The following KLRG1 variants were observed in gnomAD, a reference collection of about 807,000 sequenced individuals.
KLRG1 encodes killer cell lectin-like receptor subfamily G member 1.
KLRG1 carries 16 observed loss-of-function variants against 21.8 expected under a neutral mutation model. The ratio of observed to expected loss-of-function variants is 0.73; its 90% CI spans 0.50 to 1.11. The LOEUF is 1.11. Ranked by LOEUF, KLRG1 falls within the 50% of genes most tolerant of loss-of-function variation. The probability of loss-of-function intolerance (pLI) is 0.00; values close to 1 mark genes in which losing one functional copy is unlikely to be tolerated. For missense variants in KLRG1, 173 were observed against 218.3 expected, an observed-to-expected ratio of 0.79 and a Z score of 1.31; for synonymous variants, 69 against 75.9, an observed-to-expected ratio of 0.91 and a Z score of 0.47.
At chr12:9,204,913 T>C in the KLRG1 span, among the ~76,000 whole-genome samples, 10 of 151,882 alleles carry the variant, frequency 6.6e-5, 1 homozygote. Context: ...TGCACAACAT[T>C]GTGAGGTCCC....
the KLRG1 span, among the ~76,000 whole-genome samples, chr12:9,182,790 T>C: frequency 6.6e-6 from 1 of 152,228 alleles, no homozygotes; most frequent in Non-Finnish European, 1.5e-5. Flanking sequence ...CTTGAGTAGA[T>C]GGCCCACATT....
the KLRG1 span, among the ~76,000 whole-genome samples, chr12:9,088,673 T>C: frequency 1.3e-5 from 2 of 152,212 alleles, no homozygotes; most frequent in Admixed American, 6.5e-5. Context: ...AAATTTTTCC[T>C]GTAAGTTTCT....
the KLRG1 span, chr12:9,089,273 G>A: frequency 1.3e-6 from 2 of 1,551,002 alleles, no homozygotes; most frequent in Non-Finnish European, 1.8e-6. Context: ...AGAAAGAAAA[G>A]CTAGTGAGAA....
chr12:9,077,844 C>CA, the KLRG1 span: 3 of 1,614,008 alleles, frequency 1.9e-6, no homozygotes, highest in South Asian at 3.3e-5. Flanking sequence ...GTCTTCAGAA[C>CA]AAAGGCTGTG....
the KLRG1 span, among the ~76,000 whole-genome samples, chr12:9,170,712 A>G: frequency 6.6e-6 from 1 of 152,200 alleles, no homozygotes; most frequent in South Asian, 2.1e-4. This position sits in a 1 kb window ranked among gnomAD's most constrained non-coding sequence, Gnocchi z 4.6. Context: ...ACGATGCAGC[A>G]CAGCTGCCTT....
chr12:9,101,715 T>C, the KLRG1 span: 17 of 1,442,932 alleles, frequency 1.2e-5, no homozygotes, highest in Non-Finnish European at 1.1e-5. Context: ...AGATTATACG[T>C]CATAAAGATT....
At chr12:9,077,501 G>A in the KLRG1 span, 1 of 1,487,818 alleles carries the variant, frequency 6.7e-7, no homozygotes, top group Non-Finnish European at 9.2e-7. Context: ...GCTGTGTCAT[G>A]GAATTCATCC....
chr12:9,099,405 A>G, the KLRG1 span: 1 of 1,564,678 alleles, frequency 6.4e-7, no homozygotes, highest in Non-Finnish European at 8.7e-7. Flanking sequence ...AATTTTCAAC[A>G]TCATATTTTG....
At chr12:9,080,032 G>A in the KLRG1 span, 60 of 1,102,312 alleles carry the variant, frequency 5.4e-5, no homozygotes, top group Middle Eastern at 6.4e-4. Context: ...ATATTTATGG[G>A]AAATAAAAAT....
chr12:9,109,519 G>T, the KLRG1 span: 1 of 784,226 alleles, frequency 1.3e-6, no homozygotes, highest in Non-Finnish European at 2.2e-6. Flanking sequence ...TGAAAAGGTA[G>T]CTCTGCTCTC....
At chr12:9,153,373 A>G in the KLRG1 span, 8 of 1,578,624 alleles carry the variant, frequency 5.1e-6, no homozygotes, top group Non-Finnish European at 6.9e-6. Flanking sequence ...AACCGCCCCA[A>G]AGAGTAAATT....
At chr12:9,098,838 A>G in the KLRG1 span, 2 of 1,487,370 alleles carry the variant, frequency 1.3e-6, no homozygotes, top group African/African-American at 2.8e-5. Flanking sequence ...AGTGTTCCTC[A>G]TGTACAATGT....
the KLRG1 span, among the ~76,000 whole-genome samples, chr12:9,019,177 C>T: frequency 6.6e-6 from 1 of 152,176 alleles, no homozygotes; most frequent in Non-Finnish European, 1.5e-5. Context: ...AAAAGGTACT[C>T]AACATCACTG....
At chr12:9,157,220 T>C in the KLRG1 span, 1 of 1,614,154 alleles carries the variant, frequency 6.2e-7, no homozygotes, top group Non-Finnish European at 8.5e-7. Flanking sequence ...ATTTCTCTAT[T>C]CTGATTTTGC....
chr12:9,028,675 C>T, the KLRG1 span: 1 of 429,550 alleles, frequency 2.3e-6, no homozygotes, highest in Admixed American at 3.0e-5. Flanking sequence ...ATCTCTTGAC[C>T]TCGTGATCCA....
At chr12:9,165,974 G>C in the KLRG1 span, 70 of 1,497,092 alleles carry the variant, frequency 4.7e-5, 1 homozygote, top group Non-Finnish European at 5.1e-5. Context: ...TTTTCAGGAA[G>C]ATTGTCTTAG....
chr12:9,159,880 A>T, the KLRG1 span: 2 of 1,408,792 alleles, frequency 1.4e-6, no homozygotes, highest in Non-Finnish European at 2.0e-6. Context: ...TAAGACAGGT[A>T]ATCTATGTGC....
At chr12:9,205,240 T>G in the KLRG1 span, among the ~76,000 whole-genome samples, 2 of 152,186 alleles carry the variant, frequency 1.3e-5, no homozygotes, top group Non-Finnish European at 2.9e-5. Context: ...GGCCTTAGCT[T>G]TATTGATGAG....
the KLRG1 span, chr12:9,159,941 G>C: frequency 6.2e-7 from 1 of 1,609,596 alleles, no homozygotes; most frequent in Non-Finnish European, 8.5e-7. Flanking sequence ...TTCTTACCAA[G>C]TGTTGCCCTG....
Sources: allele counts gnomAD v4.1 joint callset (sites outside exome capture counted in the v4.1 genomes callset), GRCh38; gene constraint gnomAD v4.1.1; non-coding constraint Gnocchi (gnomAD v3.1); transcripts MANE v1.5; gene names NCBI Gene and HGNC (gene_info 2026-07-23, HGNC 2026-07-21).